The following DAP variants were observed in gnomAD, a reference collection of about 807,000 sequenced individuals.
DAP encodes death-associated protein 1.
DAP carries 8 observed loss-of-function variants against 13.8 expected under a neutral mutation model. That is an observed-to-expected ratio of 0.58 (90% CI 0.34 to 1.05). The LOEUF (loss-of-function observed/expected upper bound fraction) is 1.05. DAP is among the 50% of genes least tolerant of loss of function. DAP has a pLI of 0.03. For missense variants in DAP, 106 were observed against 133.2 expected (o/e 0.80, Z 1.01); for synonymous variants, 47 against 47.5 (o/e 0.99, Z 0.04).
At position 10,687,905 on chromosome 5, in the gene DAP, CTTTTTT is replaced by C. The variant is rs1199947263; in HGVS notation, c.153-4340_153-4335del. On this transcript the variant is annotated intron_variant, in intron 2 of 3. Coordinates refer to ENST00000230895, the MANE Select transcript of DAP (RefSeq NM_004394.3). ...TCTATGTCACAAACTTCATTGTTGT[CTTTTTT>C]TTTTTTTTTTTTTTTTTACAGAGGG... is the stretch of plus-strand genomic sequence containing the variant. Among the ~76,000 whole-genome samples, 580 of 110,634 alleles carry C rather than the reference CTTTTTT, an allele frequency of 5.2e-3. 6 individuals carry two copies. Among genetic ancestry groups the C allele is most frequent in the African/African-American group, 0.02 (524 of 26,016 alleles). The allele number at this position is 110,634 out of a possible 152,430, so 72.6% of individuals were successfully genotyped here. A position where few individuals can be genotyped will look rare whatever the true frequency, so the allele number is the denominator to read the frequency against.
At chr5:10,750,066 G>T (rs1561034931) in intron 1 of DAP, among the ~76,000 whole-genome samples, 1 of 152,060 alleles carries the variant, frequency 6.6e-6, no homozygotes, top group Non-Finnish European at 1.5e-5. Context: ...TGTAGTCATT[G>T]GCCCCCCAGG....
intron 2 of DAP, among the ~76,000 whole-genome samples, chr5:10,725,143 C>G (rs948767146): frequency 1.3e-5 from 2 of 152,248 alleles, no homozygotes; most frequent in Non-Finnish European, 2.9e-5. Context: ...TGGCACCACC[C>G]TTCCCATTTC....
intron 2 of DAP, among the ~76,000 whole-genome samples, chr5:10,725,361 C>CCAG: frequency 6.6e-6 from 1 of 152,318 alleles, no homozygotes; most frequent in East Asian, 1.9e-4. Context: ...GGCGTGTGGG[C>CCAG]TCCTGCACGC....
chr5:10,727,893 T>C (rs1739332053), intron 2 of DAP, among the ~76,000 whole-genome samples: 1 of 152,204 alleles, frequency 6.6e-6, no homozygotes, highest in African/African-American at 2.4e-5. Flanking sequence ...CATCTCCAGT[T>C]ACTTACAATT....
intron 1 of DAP, among the ~76,000 whole-genome samples, chr5:10,757,925 A>G (rs1311421590): frequency 6.6e-6 from 1 of 152,216 alleles, no homozygotes; most frequent in Non-Finnish European, 1.5e-5. Flanking sequence ...GCAAGAAGAC[A>G]GGCAGAGAGG....
intron 3 of DAP, among the ~76,000 whole-genome samples, chr5:10,682,600 C>T (rs893742628): frequency 5.3e-5 from 8 of 152,240 alleles, no homozygotes; most frequent in African/African-American, 1.9e-4. Context: ...CACCCACCAG[C>T]GTCCCTGCAG....
intron 2 of DAP, among the ~76,000 whole-genome samples, chr5:10,729,841 TC>T (rs764876996): frequency 2.0e-5 from 3 of 152,168 alleles, no homozygotes; most frequent in African/African-American, 4.8e-5. Flanking sequence ...TGCTCAGACA[TC>T]CAGGAACTGC....
At chr5:10,684,630 T>C (rs1459987474) in intron 2 of DAP, among the ~76,000 whole-genome samples, 1 of 152,222 alleles carries the variant, frequency 6.6e-6, no homozygotes, top group East Asian at 1.9e-4. Context: ...CTTACAAAAA[T>C]AGTTATACTG....
At chr5:10,743,331 G>C (rs1739808745) in intron 2 of DAP, among the ~76,000 whole-genome samples, 1 of 152,092 alleles carries the variant, frequency 6.6e-6, no homozygotes, top group African/African-American at 2.4e-5. Context: ...CGCCATTCTG[G>C]GTCCCTCCCA....
At chr5:10,746,802 G>A (rs1028863358) in intron 2 of DAP, among the ~76,000 whole-genome samples, 3 of 152,142 alleles carry the variant, frequency 2.0e-5, no homozygotes, top group Non-Finnish European at 4.4e-5. Context: ...TACTGTATCA[G>A]GTTTTATAGA....
At chr5:10,743,856 G>T (rs548462251) in intron 2 of DAP, among the ~76,000 whole-genome samples, 32 of 152,160 alleles carry the variant, frequency 2.1e-4, no homozygotes, top group Non-Finnish European at 4.0e-4. Context: ...CTAGAACTCA[G>T]GTTGACGGAA....
chr5:10,709,418 C>T (rs563657001), intron 2 of DAP, among the ~76,000 whole-genome samples: 4 of 152,240 alleles, frequency 2.6e-5, no homozygotes, highest in Non-Finnish European at 4.4e-5. Context: ...CCCAGAGTAA[C>T]GAGGTAGGTA....
chr5:10,706,674 C>T (rs1318889699), intron 2 of DAP, among the ~76,000 whole-genome samples: 3 of 152,160 alleles, frequency 2.0e-5, no homozygotes, highest in Non-Finnish European at 4.4e-5. Context: ...TTTCTTGTCT[C>T]TTGTTTATGA....
chr5:10,748,292 G>A, intron 1 of DAP, 21 bp from the exon 2 acceptor site: 1 of 1,606,352 alleles, frequency 6.2e-7, no homozygotes, highest in African/African-American at 1.3e-5. Flanking sequence ...AACAGAGAGT[G>A]TGGGATTAAT....
At chr5:10,683,224 A>C in intron 3 of DAP, 1 of 453,406 alleles carries the variant, frequency 2.2e-6, no homozygotes, top group Non-Finnish European at 4.0e-6. Flanking sequence ...TATGGACGGC[A>C]ATACTGTGGG....
At chr5:10,726,835 G>A (rs552627234) in intron 2 of DAP, among the ~76,000 whole-genome samples, 2 of 152,172 alleles carry the variant, frequency 1.3e-5, no homozygotes, top group South Asian at 2.1e-4. Flanking sequence ...CAGAAAGAAC[G>A]ACATCTTAGC....
intron 2 of DAP, among the ~76,000 whole-genome samples, chr5:10,721,913 G>A (rs1739154277): frequency 6.6e-6 from 1 of 152,212 alleles, no homozygotes; most frequent in African/African-American, 2.4e-5. Flanking sequence ...TGTGACATAA[G>A]ATTTACTGAC....
intron 2 of DAP, among the ~76,000 whole-genome samples, chr5:10,690,441 C>T (rs1214698269): frequency 6.6e-6 from 1 of 152,192 alleles, no homozygotes; most frequent in East Asian, 1.9e-4. Context: ...TCATTCCCAA[C>T]AGAAAGTCTG....
chr5:10,724,827 C>T (rs1214695475), intron 2 of DAP, among the ~76,000 whole-genome samples: 2 of 152,194 alleles, frequency 1.3e-5, no homozygotes, highest in African/African-American at 2.4e-5. Context: ...TCCCCAGGGC[C>T]TCTCAACCCG....
Sources: gnomAD v4.1 joint callset for allele counts (sites outside exome capture counted in the v4.1 genomes callset) on GRCh38, gnomAD v4.1.1 for gene constraint, MANE v1.5 for transcripts, NCBI Gene and HGNC (gene_info 2026-07-23, HGNC 2026-07-21) for gene names.